CCDC18: variants seen among roughly 807,000 people sequenced by gnomAD.
The protein encoded by CCDC18 is coiled-coil domain-containing protein 18.
CCDC18 carries 157 observed loss-of-function variants against 196.0 expected under a neutral mutation model. The ratio of observed to expected loss-of-function variants is 0.80; its 90% CI spans 0.70 to 0.91. The LOEUF (loss-of-function observed/expected upper bound fraction) is 0.91, where lower values mean the gene tolerates loss of function less well. Ranked by LOEUF, CCDC18 falls within the 40% of genes least tolerant of loss-of-function variation. CCDC18 has a pLI of 0.00. For synonymous variants in CCDC18, 482 were observed against 529.2 expected (o/e 0.91, Z 1.22); for missense variants, 1,465 against 1,611.6 (o/e 0.91, Z 1.56).
chr1:93,194,903 C>T (rs75904444), intron 6 of CCDC18, among the ~76,000 whole-genome samples: 3,149 of 152,208 alleles, frequency 0.021, 41 homozygotes, highest in Non-Finnish European at 0.035. Context: ...TGGAGTCTTA[C>T]TCTGTCTCGC....
At chr1:93,270,304 C>A in intron 27 of CCDC18, 43 bp from the exon 28 acceptor site, 1 of 1,167,794 alleles carries the variant, frequency 8.6e-7, no homozygotes, top group Non-Finnish European at 1.2e-6. Flanking sequence ...ATTCATTTAA[C>A]AAAAATGTAT....
rs1191181906 is a variant in CCDC18 at position 93,239,310 on chromosome 1, G to C, written c.2604G>C (p.Arg868Ser). The change falls in exon 20 of 29, where the codon AGG becomes AGC. Residue 868 changes from arginine (R) to serine (S), a missense_variant and splice_region_variant. Coordinates refer to ENST00000690025, the MANE Select transcript of CCDC18 (RefSeq NM_001378204.1). ...QKVIELTGTA[R>S]QVKIEMDQYK... ...TGTTTTATTATTTGTTTTTAATTAG[G>C]CAAGTAAAGATTGAGATGGATCAGT... 1 of 1,560,150 alleles carries C rather than the reference G, an allele frequency of 6.4e-7. No homozygotes were observed. The highest frequency in any genetic ancestry group is 1.2e-5 in the South Asian group (1 of 80,922).
intron 18 of CCDC18, among the ~76,000 whole-genome samples, chr1:93,234,541 T>C (rs1659752731): frequency 6.6e-6 from 1 of 152,178 alleles, no homozygotes; most frequent in East Asian, 1.9e-4. Flanking sequence ...CACTGAGGTC[T>C]ACAGAAGTTT....
At chr1:93,208,759 C>T (rs942716272) in intron 9 of CCDC18, among the ~76,000 whole-genome samples, 10 of 151,822 alleles carry the variant, frequency 6.6e-5, no homozygotes, top group African/African-American at 2.2e-4. Context: ...CTCTGCCTCC[C>T]GGATTCAAGC....
chr1:93,193,813 C>G, intron 6 of CCDC18, 69 bp downstream of exon 6: 1 of 1,238,582 alleles, frequency 8.1e-7, no homozygotes, highest in South Asian at 1.8e-5. Flanking sequence ...ATTTAAAATT[C>G]TAGTTAATTT....
At chr1:93,235,460 C>T (rs1454685133) in intron 18 of CCDC18, among the ~76,000 whole-genome samples, 4 of 152,148 alleles carry the variant, frequency 2.6e-5, no homozygotes. Flanking sequence ...TTGGAAGTCA[C>T]TGGTGTTGTA....
chr1:93,183,821 T>C (rs1650165660), intron 2 of CCDC18, among the ~76,000 whole-genome samples, 157 bp from the exon 3 acceptor site: 1 of 152,092 alleles, frequency 6.6e-6, no homozygotes, highest in Non-Finnish European at 1.5e-5. Flanking sequence ...AAAGTAATTA[T>C]GATTTATTTA....
Position 93,210,823 on chromosome 1 carries a change from T to C in CCDC18, c.1231T>C (p.Phe411Leu). ...QLPLKRELFG[F>L]KSYLSKYQMS... The stretch of plus-strand genomic sequence containing the variant: ...GCAGTTAAAAAGAGAATTATTTGGC[T>C]TTAAATCATATCTTTCTAAATACCA... Residue 411 changes from phenylalanine to leucine, a missense_variant, in exon 10 of 29, where the codon TTT becomes CTT. Coordinates refer to ENST00000690025, the MANE Select transcript of CCDC18 (RefSeq NM_001378204.1). The C allele has an allele frequency of 6.2e-7, 1 of 1,602,378 alleles. No individual in the cohort carries two copies. The highest frequency in any genetic ancestry group is 2.2e-5 in the East Asian group (1 of 44,732).
Position 93,186,648 on chromosome 1 carries a change from G to T in CCDC18, c.462+145G>T. On this transcript the variant is annotated intron_variant, in intron 4 of 28. Coordinates refer to ENST00000690025, the MANE Select transcript of CCDC18 (RefSeq NM_001378204.1). ...TATAATACTATAGTATCAACATGTT[G>T]TAAAATCAATATTGTATGAATTATA... The T allele has an allele frequency of 5.2e-6, 3 of 571,646 alleles. No homozygotes were observed. The South Asian group carries it at 8.2e-5, about 16-fold the overall frequency. 35.4% of individuals were successfully genotyped at this position (571,646 alleles called of 1,614,324 possible). A position where few individuals can be genotyped will look rare whatever the true frequency, so the allele number is the denominator to read the frequency against.
chr1:93,192,199 T>C, intron 5 of CCDC18, 93 bp downstream of exon 5: 1 of 820,878 alleles, frequency 1.2e-6, no homozygotes, highest in South Asian at 1.6e-5. Flanking sequence ...CCCAATAAAT[T>C]TACAGTAACC....
intron 18 of CCDC18, among the ~76,000 whole-genome samples, chr1:93,234,936 A>AGTGTGTGT (rs3223482): frequency 0.05 from 5,987 of 119,186 alleles, 196 homozygotes; most frequent in African/African-American, 0.075. Context: ...CCCAGCTAAG[A>AGTGTGTGT]GTGTGTGTGT....
At chr1:93,254,955 T>C (rs1662746095) in intron 24 of CCDC18, among the ~76,000 whole-genome samples, 1 of 125,798 alleles carries the variant, frequency 7.9e-6, no homozygotes, top group Non-Finnish European at 1.7e-5. Context: ...TTTTTTTTTT[T>C]TTTTTTTTTT....
chr1:93,186,079 G>A (rs1000456892), intron 3 of CCDC18, among the ~76,000 whole-genome samples: 6 of 151,814 alleles, frequency 4.0e-5, no homozygotes, highest in African/African-American at 1.4e-4. Context: ...TTGGTTCTTA[G>A]CATATTCAAC....
chr1:93,188,014 A>C (rs1391712307), intron 4 of CCDC18, among the ~76,000 whole-genome samples: 2 of 152,192 alleles, frequency 1.3e-5, no homozygotes, highest in Non-Finnish European at 2.9e-5. Context: ...TAAAGTAAGA[A>C]AAGAGACATA....
intron 23 of CCDC18, among the ~76,000 whole-genome samples, chr1:93,252,027 A>ATCTG (rs1662329087): frequency 6.6e-6 from 1 of 151,128 alleles, no homozygotes; most frequent in African/African-American, 2.4e-5. Flanking sequence ...CTGTCTATCT[A>ATCTG]TCTATCTATC....
chr1:93,230,501 A>C (rs1570470615), intron 17 of CCDC18, among the ~76,000 whole-genome samples: 1 of 152,072 alleles, frequency 6.6e-6, no homozygotes, highest in Non-Finnish European at 1.5e-5. Flanking sequence ...CAAAAAAAAA[A>C]ACAAAAAACT....
At chr1:93,248,009 CTTTTTTTTTT>C (rs71586785) in intron 23 of CCDC18, among the ~76,000 whole-genome samples, 8 of 69,794 alleles carry the variant, frequency 1.1e-4, no homozygotes, top group Non-Finnish European at 1.8e-4. Flanking sequence ...TATTTTCCTT[CTTTTTTTTTT>C]TTTTTTTTTT....
At chr1:93,260,392 A>G (rs1663620840) in intron 26 of CCDC18, among the ~76,000 whole-genome samples, 1 of 152,240 alleles carries the variant, frequency 6.6e-6, no homozygotes, top group Non-Finnish European at 1.5e-5. Flanking sequence ...CTCAAAAAAA[A>G]TAAGTACATG....
At chr1:93,192,750 A>G (rs1652041739) in intron 5 of CCDC18, among the ~76,000 whole-genome samples, 1 of 152,240 alleles carries the variant, frequency 6.6e-6, no homozygotes, top group South Asian at 2.1e-4. Context: ...CAGGCACTTT[A>G]TAATTTATTC....
Sources: gnomAD v4.1 joint callset for allele counts (sites outside exome capture counted in the v4.1 genomes callset) on GRCh38, gnomAD v4.1.1 for gene constraint, MANE v1.5 for transcripts, NCBI Gene and HGNC (gene_info 2026-07-23, HGNC 2026-07-21) for gene names.